The following IFT74 variants were observed in gnomAD, a reference collection of about 807,000 sequenced individuals.
IFT74 encodes intraflagellar transport 74, also known as intraflagellar transport protein 74 homolog.
In IFT74, 92 loss-of-function variants were observed where a neutral mutation model predicts 96.7. The observed-to-expected ratio is 0.95, with a 90% CI of 0.80 to 1.13. The LOEUF (loss-of-function observed/expected upper bound fraction) is 1.13. IFT74 is among the 50% of genes most tolerant of loss of function. The probability of loss-of-function intolerance (pLI) is 0.00; values close to 1 mark genes in which losing one functional copy is unlikely to be tolerated. For missense variants in IFT74, 811 were observed against 698.2 expected (o/e 1.16, Z -1.82); for synonymous variants, 223 against 213.2 (o/e 1.05, Z -0.40).
At chr9:26,960,713 A>C (rs1471654143) in intron 1 of IFT74, among the ~76,000 whole-genome samples, 1 of 152,200 alleles carries the variant, frequency 6.6e-6, no homozygotes, top group East Asian at 1.9e-4. Context: ...AGCAGAATGA[A>C]GATGAGAAAA....
chr9:27,016,915 T>G lies in IFT74; in HGVS notation c.798T>G (p.Ala266=), dbSNP rs753164686. The G allele has an allele frequency of 6.3e-7, 1 of 1,598,406 alleles. No homozygotes were observed. The highest frequency in any genetic ancestry group is 8.5e-7 in the Non-Finnish European group (1 of 1,174,436). ...MKKESLEAEI[A]HSQVKQEAVL... is the part of the protein sequence containing the mutation. ...TTCTTATTTTCCTTTAGGAAATAGC[T>G]CACTCCCAGGTGAAACAGGAGGCGG... The change falls in exon 11 of 20, where the codon GCT becomes GCG. Residue 266 remains alanine (A), a synonymous_variant. Transcript: ENST00000380062.
At chr9:26,962,880 C>T (rs1426793958) in intron 2 of IFT74, among the ~76,000 whole-genome samples, 2 of 150,370 alleles carry the variant, frequency 1.3e-5, no homozygotes, top group Non-Finnish European at 3.0e-5. Flanking sequence ...AATATATATA[C>T]CATATATAGG....
chr9:27,040,323 G>A (rs145531479), intron 13 of IFT74, among the ~76,000 whole-genome samples: 16 of 152,140 alleles, frequency 1.1e-4, no homozygotes, highest in African/African-American at 3.6e-4. Flanking sequence ...GGCTGAAGTG[G>A]GGGGATCACT....
At chr9:26,976,694 G>C (rs1192954771) in intron 2 of IFT74, 2 of 449,938 alleles carry the variant, frequency 4.4e-6, no homozygotes, top group Admixed American at 4.8e-5. Context: ...AAAGGCAGGG[G>C]GTACCTGGAA....
chr9:26,999,961 G>A (rs1828388829), intron 8 of IFT74, among the ~76,000 whole-genome samples: 1 of 151,704 alleles, frequency 6.6e-6, no homozygotes, highest in South Asian at 2.1e-4. Context: ...TGTAGAGATG[G>A]GGTCACCATG....
chr9:27,066,118 T>C lies in IFT74; in HGVS notation c.*3382T>C, dbSNP rs573387846. On this transcript the variant is annotated 3_prime_UTR_variant, in exon 20 of 20. Transcript: ENST00000380062. Reference sequence around the variant, plus strand: ...TGCACCTTTAATTAAATTAAAATTATATTGTTTTTAATTTTACATTTGCTA... The same window carrying C: ...TGCACCTTTAATTAAATTAAAATTACATTGTTTTTAATTTTACATTTGCTA... Among the ~76,000 whole-genome samples, 1 of 152,354 alleles carries C rather than the reference T, an allele frequency of 6.6e-6. No individual in the cohort carries two copies. The highest frequency in any genetic ancestry group is 2.4e-5 in the African/African-American group (1 of 41,588).
intron 2 of IFT74, among the ~76,000 whole-genome samples, chr9:26,969,800 A>G (rs1826806046): frequency 1.3e-5 from 2 of 151,930 alleles, no homozygotes; most frequent in African/African-American, 4.8e-5. Context: ...TCCACCTTTA[A>G]TTTCTATGTT....
chr9:27,015,017 G>A (rs1468197610), intron 10 of IFT74, among the ~76,000 whole-genome samples: 2 of 152,166 alleles, frequency 1.3e-5, no homozygotes, highest in East Asian at 1.9e-4. Flanking sequence ...GCTGTACAAC[G>A]TATTAGGTCA....
chr9:26,949,665 G>C (rs926379909), intron 1 of IFT74, among the ~76,000 whole-genome samples: 9 of 152,162 alleles, frequency 5.9e-5, no homozygotes, highest in African/African-American at 2.2e-4. Context: ...GCCAGCCAAC[G>C]AGGAGGATGG....
intron 13 of IFT74, among the ~76,000 whole-genome samples, chr9:27,039,931 T>G (rs575553270): frequency 2.6e-5 from 4 of 152,292 alleles, no homozygotes; most frequent in African/African-American, 7.2e-5. Flanking sequence ...ATAGACTGAA[T>G]GCAAAAAGAT....
Position 27,036,524 on chromosome 9 carries a change from G to A in IFT74, c.1054+7420G>A. The A allele has an allele frequency of 3.1e-6, 5 of 1,613,366 alleles. No individual in the cohort carries two copies. The South Asian group carries it at 3.3e-5, about 11-fold the overall frequency. On this transcript the variant is annotated intron_variant, in intron 13 of 19. Coordinates refer to ENST00000380062, the MANE Select transcript of IFT74 (RefSeq NM_025103.4). Reference sequence around the variant, plus strand: ...CAAAAAGCAAGTTTGAACCTGCCATGTGCTAAGCACTATGCTGAATCCATT... The same window carrying A: ...CAAAAAGCAAGTTTGAACCTGCCATATGCTAAGCACTATGCTGAATCCATT...
rs1394892169 is a variant in IFT74, at chr9:26,984,281, T to G, written c.330T>G (p.Thr110=). 1 of 1,568,998 alleles carries G rather than the reference T, an allele frequency of 6.4e-7. No individual in the cohort carries two copies. ...GAAGTAAAATAAGTGAACTTACAACTGAAGTTAATAAACTTCAGAAGGGAA... is the reference window on the plus strand; with the variant it reads ...GAAGTAAAATAAGTGAACTTACAACGGAAGTTAATAAACTTCAGAAGGGAA... ...LLRSKISELT[T]EVNKLQKGIE... Residue 110 remains threonine, a synonymous_variant, in exon 5 of 20, where the codon ACT becomes ACG. Coordinates refer to ENST00000380062, the MANE Select transcript of IFT74 (RefSeq NM_025103.4).
intron 13 of IFT74, among the ~76,000 whole-genome samples, chr9:27,031,044 ACTATTTACAGG>A (rs1830096985): frequency 6.6e-6 from 1 of 152,124 alleles, no homozygotes; most frequent in South Asian, 2.1e-4. Context: ...GAGTGCAGTG[ACTATTTACAGG>A]CATGATCATA....
intron 7 of IFT74, among the ~76,000 whole-genome samples, chr9:26,989,054 T>G (rs892504091): frequency 5.9e-5 from 9 of 152,194 alleles, no homozygotes; most frequent in Non-Finnish European, 1.0e-4. Context: ...TAAGCACAAA[T>G]GTTGATGAAT....
chr9:27,004,243 T>C (rs1341003614), intron 8 of IFT74, among the ~76,000 whole-genome samples: 1 of 152,226 alleles, frequency 6.6e-6, no homozygotes, highest in African/African-American at 2.4e-5. Context: ...AATTGTTTTC[T>C]CAAGTGCGCT....
At chr9:27,021,680 A>ATTTT (rs942599072) in intron 12 of IFT74, among the ~76,000 whole-genome samples, 1 of 150,364 alleles carries the variant, frequency 6.7e-6, no homozygotes, top group African/African-American at 2.4e-5. Flanking sequence ...TTTTTATGGG[A>ATTTT]TTTTTTTTTC....
chr9:27,007,649 G>T (rs1828860759), intron 8 of IFT74, among the ~76,000 whole-genome samples: 1 of 152,154 alleles, frequency 6.6e-6, no homozygotes. Flanking sequence ...AAATTTCTGA[G>T]TTTAGGTTGT....
intron 8 of IFT74, among the ~76,000 whole-genome samples, chr9:27,008,418 C>G (rs1452980226): frequency 6.6e-6 from 1 of 151,358 alleles, no homozygotes; most frequent in African/African-American, 2.4e-5. Flanking sequence ...AGTGAAGTGG[C>G]GCGATCTCAG....
intron 8 of IFT74, chr9:26,995,743 G>GT: frequency 6.2e-7 from 1 of 1,613,732 alleles, no homozygotes; most frequent in South Asian, 1.1e-5. Context: ...GCAGAATATT[G>GT]TACCATATTG....
Sources: gnomAD v4.1 joint callset for allele counts (sites outside exome capture counted in the v4.1 genomes callset) on GRCh38, gnomAD v4.1.1 for gene constraint, MANE v1.5 for transcripts, NCBI Gene and HGNC (gene_info 2026-07-23, HGNC 2026-07-21) for gene names.